MDGA2: variants seen among roughly 807,000 people sequenced by gnomAD.
MDGA2 encodes MAM domain containing glycosylphosphatidylinositol anchor 2, also known as MAM domain-containing glycosylphosphatidylinositol anchor protein 2.
In MDGA2, 40 loss-of-function variants were observed where a neutral mutation model predicts 117.8. The observed-to-expected ratio is 0.34, with a 90% CI of 0.26 to 0.44. The LOEUF is 0.44. Ranked by LOEUF, MDGA2 falls within the 20% of genes least tolerant of loss-of-function variation. The probability of loss-of-function intolerance (pLI) is 1.00; values close to 1 mark genes in which losing one functional copy is unlikely to be tolerated. For missense variants in MDGA2, 1,123 were observed against 1,250.6 expected, an observed-to-expected ratio of 0.90 and a Z score of 1.54; for synonymous variants, 452 against 439.0, an observed-to-expected ratio of 1.03 and a Z score of -0.37.
intron 1 of MDGA2, among the ~76,000 whole-genome samples, chr14:47,357,690 C>A (rs987771313): frequency 5.9e-5 from 9 of 152,150 alleles, no homozygotes; most frequent in Admixed American, 1.3e-4. Flanking sequence ...ACCACTGTTC[C>A]CCTGTTACTT....
At chr14:47,121,499 A>T (rs1391423569) in intron 5 of MDGA2, among the ~76,000 whole-genome samples, 1 of 152,054 alleles carries the variant, frequency 6.6e-6, no homozygotes, top group Non-Finnish European at 1.5e-5. Context: ...TATATATATT[A>T]GTAGATAGAT....
intron 10 of MDGA2, among the ~76,000 whole-genome samples, chr14:46,906,492 T>G (rs1451015954): frequency 2.6e-5 from 4 of 152,068 alleles, no homozygotes; most frequent in Non-Finnish European, 4.4e-5. Flanking sequence ...TTTTATAAAA[T>G]AAAACCTATC....
At chr14:47,208,896 A>G (rs569809862) in intron 3 of MDGA2, among the ~76,000 whole-genome samples, 1 of 152,138 alleles carries the variant, frequency 6.6e-6, no homozygotes, top group African/African-American at 2.4e-5. Context: ...AAGTATAAAC[A>G]CAGGCACACA....
At chr14:47,216,428 C>T (rs1471855210) in intron 3 of MDGA2, among the ~76,000 whole-genome samples, 2 of 152,064 alleles carry the variant, frequency 1.3e-5, no homozygotes, top group Non-Finnish European at 2.9e-5. Context: ...TAATCAAACA[C>T]ATTTCCTGGG....
At chr14:47,090,898 G>T (rs2138946558) in intron 6 of MDGA2, among the ~76,000 whole-genome samples, 1 of 152,262 alleles carries the variant, frequency 6.6e-6, no homozygotes, top group South Asian at 2.1e-4. Context: ...GAATAAAGAA[G>T]CATTGAAGAT....
chr14:47,279,422 A>G (rs1888404984), intron 2 of MDGA2, among the ~76,000 whole-genome samples: 1 of 152,088 alleles, frequency 6.6e-6, no homozygotes, highest in South Asian at 2.1e-4. Context: ...ACTTTTTCTT[A>G]TAATATGCTG....
At chr14:47,552,467 G>C (rs1895600591) in intron 1 of MDGA2, among the ~76,000 whole-genome samples, 1 of 152,170 alleles carries the variant, frequency 6.6e-6, no homozygotes, top group Admixed American at 6.5e-5. Context: ...TATTGAGGAA[G>C]TTCCTGAATA....
intron 1 of MDGA2, among the ~76,000 whole-genome samples, chr14:47,549,343 ATCTCTCTC>A (rs3039661): frequency 7.1e-6 from 1 of 140,112 alleles, no homozygotes; most frequent in African/African-American, 2.7e-5. Context: ...CACCAGTATT[ATCTCTCTC>A]TCTCTCTCTC....
intron 14 of MDGA2, among the ~76,000 whole-genome samples, chr14:46,856,044 C>G (rs1881256210): frequency 6.6e-6 from 1 of 151,968 alleles, no homozygotes; most frequent in South Asian, 2.1e-4. Flanking sequence ...CAAACACTTA[C>G]TCCAGATGAG....
chr14:47,406,719 A>G lies in MDGA2; in HGVS notation c.281-105169T>C, dbSNP rs547052098. 2.0e-5 allele frequency among the ~76,000 whole-genome samples: 3 copies of G among 152,130 alleles called. No individual in the cohort carries two copies. In the South Asian group the frequency reaches 6.2e-4, roughly 31 times the overall value. ...GTTCAATGACTCAGCCTTTCATCCT[A>G]TGTTGAACATAATATTTATTCTCCC... is the stretch of plus-strand genomic sequence containing the variant. On this transcript the variant is annotated intron_variant, in intron 1 of 16. Coordinates refer to ENST00000399232, the MANE Select transcript of MDGA2 (RefSeq NM_001113498.3).
At chr14:46,995,983 G>A (rs903362657) in intron 8 of MDGA2, among the ~76,000 whole-genome samples, 23 of 151,794 alleles carry the variant, frequency 1.5e-4, no homozygotes, top group Admixed American at 1.2e-3. Context: ...AAAAAGCACT[G>A]GTCTATATCC....
intron 1 of MDGA2, among the ~76,000 whole-genome samples, chr14:47,393,655 C>A (rs1309184903): frequency 1.3e-5 from 2 of 152,016 alleles, no homozygotes; most frequent in Non-Finnish European, 2.9e-5. Context: ...ATTTAGAAGC[C>A]CTTCCTCCTT....
intron 1 of MDGA2, among the ~76,000 whole-genome samples, chr14:47,454,304 A>G (rs558852116): frequency 1.3e-5 from 2 of 152,284 alleles, no homozygotes; most frequent in African/African-American, 4.8e-5. Flanking sequence ...AACTGCATCA[A>G]TGTTTATTTA....
intron 3 of MDGA2, among the ~76,000 whole-genome samples, chr14:47,191,922 A>G (rs1161603096): frequency 6.6e-6 from 1 of 152,202 alleles, no homozygotes; most frequent in Non-Finnish European, 1.5e-5. Flanking sequence ...GCAGACTACT[A>G]CAGCTCATGT....
chr14:47,666,047 A>AC (rs1307870427), intron 1 of MDGA2, among the ~76,000 whole-genome samples: 1 of 145,722 alleles, frequency 6.9e-6, no homozygotes, highest in Non-Finnish European at 1.5e-5. Flanking sequence ...AACTTGGAGA[A>AC]CTTTATGTCT....
intron 10 of MDGA2, among the ~76,000 whole-genome samples, chr14:46,913,988 A>G (rs981413086): frequency 6.6e-6 from 1 of 152,144 alleles, no homozygotes; most frequent in Non-Finnish European, 1.5e-5. Context: ...GGATTTTTTT[A>G]AAATAAAATA....
intron 1 of MDGA2, among the ~76,000 whole-genome samples, chr14:47,566,419 G>A (rs1358667905): frequency 6.6e-6 from 1 of 152,152 alleles, no homozygotes; most frequent in Non-Finnish European, 1.5e-5. Context: ...GTCTCTTCAG[G>A]TCTGACAGTT....
At chr14:47,221,939 G>T (rs1014507835) in intron 2 of MDGA2, among the ~76,000 whole-genome samples, 1 of 151,666 alleles carries the variant, frequency 6.6e-6, no homozygotes, top group African/African-American at 2.4e-5. Context: ...TCATCTCCTC[G>T]AATTTTTTTT....
At chr14:47,077,283 C>G (rs192223454) in intron 6 of MDGA2, among the ~76,000 whole-genome samples, 2 of 152,156 alleles carry the variant, frequency 1.3e-5, no homozygotes, top group Admixed American at 1.3e-4. Context: ...TTGCTTGTAA[C>G]TATCAGCTCT....
Sources: allele counts gnomAD v4.1 joint callset (sites outside exome capture counted in the v4.1 genomes callset), GRCh38; gene constraint gnomAD v4.1.1; transcripts MANE v1.5; gene names NCBI Gene and HGNC (gene_info 2026-07-23, HGNC 2026-07-21).